The following KAT2B variants were observed in gnomAD, a reference collection of about 807,000 sequenced individuals.
KAT2B encodes the protein lysine acetyltransferase 2B.
Under a neutral mutation model 105.9 loss-of-function variants are expected in KAT2B, and 36 were observed. That is an observed-to-expected ratio of 0.34 (90% CI 0.26 to 0.45). The LOEUF (loss-of-function observed/expected upper bound fraction) is 0.45. Among genes scored for constraint, KAT2B ranks in the 20% least tolerant of loss-of-function variants. The probability of loss-of-function intolerance (pLI) is 1.00; values close to 1 mark genes in which losing one functional copy is unlikely to be tolerated. For missense variants in KAT2B, 820 were observed against 1,021.6 expected (o/e 0.80, Z 2.69); for synonymous variants, 397 against 377.9 (o/e 1.05, Z -0.59).
intron 1 of KAT2B, among the ~76,000 whole-genome samples, chr3:20,062,302 A>AT: frequency 2.1e-5 from 1 of 46,960 alleles, no homozygotes; most frequent in Non-Finnish European, 4.6e-5. Flanking sequence ...ATAATATATA[A>AT]AATATAATAT....
chr3:20,134,148 CATTTT>C (rs1374429149), intron 11 of KAT2B, among the ~76,000 whole-genome samples: 1 of 152,094 alleles, frequency 6.6e-6, no homozygotes, highest in Non-Finnish European at 1.5e-5. Context: ...CATGCTTTTG[CATTTT>C]ATTTTTTCTT....
intron 5 of KAT2B, among the ~76,000 whole-genome samples, 184 bp from the exon 6 acceptor site, chr3:20,111,409 AGTG>A (rs1699118735): frequency 6.6e-6 from 1 of 152,242 alleles, no homozygotes; most frequent in African/African-American, 2.4e-5. Context: ...ATTAGACACA[AGTG>A]GTGATGTAAG....
chr3:20,115,339 T>G (rs1398521768), intron 7 of KAT2B, among the ~76,000 whole-genome samples: 1 of 152,206 alleles, frequency 6.6e-6, no homozygotes, highest in Non-Finnish European at 1.5e-5. Context: ...GTGGCATCAG[T>G]TGGCATTTTG....
chr3:20,140,753 A>G (rs568087586), intron 13 of KAT2B, among the ~76,000 whole-genome samples: 84 of 152,042 alleles, frequency 5.5e-4, no homozygotes, highest in African/African-American at 1.9e-3. Flanking sequence ...CGGCCTCCCA[A>G]ATTGTTGGGA....
At chr3:20,079,703 T>G (rs891520542) in intron 2 of KAT2B, among the ~76,000 whole-genome samples, 1 of 152,200 alleles carries the variant, frequency 6.6e-6, no homozygotes, top group Admixed American at 6.5e-5. Flanking sequence ...ACCATATAAT[T>G]GCCCCCTCAG....
chr3:20,107,288 C>A, intron 5 of KAT2B, among the ~76,000 whole-genome samples: 1 of 150,136 alleles, frequency 6.7e-6, no homozygotes, highest in South Asian at 2.1e-4. Flanking sequence ...TCCTCGGCCT[C>A]CCAAAGTGCT....
chr3:20,065,326 T>G (rs953832421), intron 1 of KAT2B, among the ~76,000 whole-genome samples: 2 of 152,224 alleles, frequency 1.3e-5, no homozygotes, highest in Admixed American at 6.5e-5. Flanking sequence ...GTCCTTCAGC[T>G]GGTACTTCAT....
intron 2 of KAT2B, among the ~76,000 whole-genome samples, chr3:20,081,510 A>G (rs187131732): frequency 9.9e-5 from 15 of 152,206 alleles, no homozygotes; most frequent in African/African-American, 2.9e-4. Flanking sequence ...AAAGAAGGCA[A>G]AGCCTCCCCT....
intron 1 of KAT2B, among the ~76,000 whole-genome samples, chr3:20,068,702 A>C (rs754726307): frequency 5.9e-5 from 9 of 152,140 alleles, no homozygotes; most frequent in Non-Finnish European, 1.2e-4. Flanking sequence ...AGGCCTCAAT[A>C]AATATTGTTG....
intron 1 of KAT2B, among the ~76,000 whole-genome samples, chr3:20,044,011 A>G (rs1208971552): frequency 6.6e-6 from 1 of 152,046 alleles, no homozygotes; most frequent in East Asian, 1.9e-4. Context: ...AACGAAACCA[A>G]AAAAGAAGGG....
chr3:20,111,991 G>A (rs142246987), intron 6 of KAT2B, among the ~76,000 whole-genome samples: 236 of 152,216 alleles, frequency 1.6e-3, no homozygotes, highest in South Asian at 4.1e-3. Flanking sequence ...GTTGACTGCC[G>A]TCATTGCTCC....
chr3:20,082,874 A>G lies in KAT2B; in HGVS notation c.430+10415A>G, dbSNP rs1698544472. ...TCAAGGTGGTAAGAAAAAGACTAACATCTTAAAAACCAAGCAAAGGAACTC... is the reference window on the plus strand; with the variant it reads ...TCAAGGTGGTAAGAAAAAGACTAACGTCTTAAAAACCAAGCAAAGGAACTC... On this transcript the variant is annotated intron_variant, in intron 2 of 17. Coordinates refer to ENST00000263754, the MANE Select transcript of KAT2B (RefSeq NM_003884.5). Among the ~76,000 whole-genome samples, 5 of 152,338 alleles carry G rather than the reference A, an allele frequency of 3.3e-5. No individual in the cohort carries two copies. In the South Asian group the frequency reaches 1.0e-3, roughly 32 times the overall value.
At position 20,149,676 on chromosome 3, in the gene KAT2B, A is replaced by G. The variant is rs532978127; in HGVS notation, c.2305+1189A>G. 2.0e-3 allele frequency among the ~76,000 whole-genome samples: 304 copies of G among 152,112 alleles called. 1 individual carries two copies. The highest frequency in any genetic ancestry group is 7.0e-3 in the African/African-American group (289 of 41,458). On this transcript the variant is annotated intron_variant, in intron 17 of 17. Coordinates refer to ENST00000263754, the MANE Select transcript of KAT2B (RefSeq NM_003884.5). ...ATGATTTCAGTAGCCTACACCCTTT[A>G]AAGTGAACACACATCTATATGCTTT... is the stretch of plus-strand genomic sequence containing the variant.
intron 17 of KAT2B, 38 bp downstream of exon 17, chr3:20,148,525 C>T (rs1699816259): frequency 7.1e-7 from 1 of 1,411,904 alleles, no homozygotes; most frequent in Admixed American, 2.2e-5. Context: ...AGATTTAAAA[C>T]TCTGGATGGC....
In KAT2B at chr3:20,040,800, G is replaced by C; in HGVS notation, c.303+20G>C. On this transcript the variant is annotated intron_variant, in intron 1 of 17. Transcript: ENST00000263754. ...TGCAAGGTACGCGCTCGCCGCTCTC[G>C]GACCGCGGATGGGTGCTAGGGGCCC... 1 of 1,578,260 alleles carries C rather than the reference G, an allele frequency of 6.3e-7. No homozygotes were observed. Among genetic ancestry groups the C allele is most frequent in the Non-Finnish European group, 8.6e-7 (1 of 1,167,238 alleles).
chr3:20,068,731 C>T (rs940635985), intron 1 of KAT2B, among the ~76,000 whole-genome samples: 5 of 152,186 alleles, frequency 3.3e-5, no homozygotes, highest in Admixed American at 2.0e-4. Flanking sequence ...AGTCAGTGTG[C>T]ATAACTGCTT....
At chr3:20,075,242 C>T (rs865851217) in intron 2 of KAT2B, among the ~76,000 whole-genome samples, 4 of 151,454 alleles carry the variant, frequency 2.6e-5, no homozygotes, top group East Asian at 1.9e-4. Flanking sequence ...CCAGCCTGAG[C>T]GATATTGCGA....
intron 5 of KAT2B, among the ~76,000 whole-genome samples, chr3:20,104,714 A>G (rs561642907): frequency 6.6e-6 from 1 of 152,300 alleles, no homozygotes; most frequent in African/African-American, 2.4e-5. Flanking sequence ...ATGAAGTTAA[A>G]CAGGATTCTT....
intron 11 of KAT2B, among the ~76,000 whole-genome samples, chr3:20,130,929 T>C (rs1409481863): frequency 6.6e-6 from 1 of 151,734 alleles, no homozygotes; most frequent in East Asian, 1.9e-4. Context: ...TGCGTGCGTG[T>C]GTGTGTGTGT....
Sources: allele counts gnomAD v4.1 joint callset (sites outside exome capture counted in the v4.1 genomes callset), GRCh38; gene constraint gnomAD v4.1.1; transcripts MANE v1.5; gene names NCBI Gene and HGNC (gene_info 2026-07-23, HGNC 2026-07-21).